PPARGC1A: variants seen among roughly 807,000 people sequenced by gnomAD.
PPARGC1A encodes the protein PPARG coactivator 1 alpha.
A neutral mutation model predicts 88.7 loss-of-function variants in PPARGC1A; 25 were observed. The observed-to-expected ratio is 0.28, with a 90% CI of 0.21 to 0.39. PPARGC1A has a LOEUF of 0.39. Among genes scored for constraint, PPARGC1A ranks in the 10% least tolerant of loss-of-function variants. The pLI is 1.00. For missense variants in PPARGC1A, 880 were observed against 968.7 expected, an observed-to-expected ratio of 0.91 and a Z score of 1.22; for synonymous variants, 363 against 355.6, an observed-to-expected ratio of 1.02 and a Z score of -0.24.
chr4:23,913,744 G>A, the PPARGC1A span, among the ~76,000 whole-genome samples: 4 of 152,100 alleles, frequency 2.6e-5, no homozygotes, highest in Non-Finnish European at 5.9e-5. Context: ...GTTAAGTAGA[G>A]GCAGGTGGGA....
chr4:24,459,026 G>GA, the PPARGC1A span, among the ~76,000 whole-genome samples: 25 of 150,670 alleles, frequency 1.7e-4, no homozygotes, highest in Non-Finnish European at 3.0e-4. Context: ...ACTTTTCTAA[G>GA]AAAAAAAATC....
At chr4:24,309,785 T>C in the PPARGC1A span, among the ~76,000 whole-genome samples, 1 of 152,160 alleles carries the variant, frequency 6.6e-6, no homozygotes, top group Admixed American at 6.5e-5. Flanking sequence ...CCCTGGCTGC[T>C]GCGTGATGAA....
the PPARGC1A span, among the ~76,000 whole-genome samples, chr4:23,961,508 G>T: frequency 6.6e-6 from 1 of 152,122 alleles, no homozygotes; most frequent in African/African-American, 2.4e-5. Context: ...GTGACAACAT[G>T]TGTGGGTAAT....
At chr4:24,254,125 AC>A in the PPARGC1A span, among the ~76,000 whole-genome samples, 1 of 152,214 alleles carries the variant, frequency 6.6e-6, no homozygotes, top group Non-Finnish European at 1.5e-5. Context: ...TGAACGTGAA[AC>A]TTTTCCCTGG....
At chr4:23,877,470 G>A (rs1714988071) in intron 2 of PPARGC1A, among the ~76,000 whole-genome samples, 1 of 149,396 alleles carries the variant, frequency 6.7e-6, no homozygotes, top group South Asian at 2.1e-4. Flanking sequence ...CCCAGGAGGG[G>A]GAGGTTGCAG....
chr4:24,033,824 G>C, the PPARGC1A span, among the ~76,000 whole-genome samples: 1 of 152,220 alleles, frequency 6.6e-6, no homozygotes, highest in Non-Finnish European at 1.5e-5. Context: ...GGCTGGAAGA[G>C]AGGCGGGCTG....
the PPARGC1A span, among the ~76,000 whole-genome samples, chr4:24,136,173 C>A: frequency 6.6e-6 from 1 of 152,158 alleles, no homozygotes; most frequent in South Asian, 2.1e-4. Flanking sequence ...AGAAGCTGTA[C>A]AGGCACTTAA....
chr4:24,030,737 C>G, the PPARGC1A span, among the ~76,000 whole-genome samples: 4 of 152,128 alleles, frequency 2.6e-5, no homozygotes, highest in African/African-American at 9.7e-5. Flanking sequence ...AAACTGCCTG[C>G]CTCATCTCTC....
chr4:24,387,603 A>T, the PPARGC1A span, among the ~76,000 whole-genome samples: 1 of 151,728 alleles, frequency 6.6e-6, no homozygotes, highest in African/African-American at 2.4e-5. Flanking sequence ...TCATGCTGGT[A>T]GCGCATGCTG....
intron 7 of PPARGC1A, among the ~76,000 whole-genome samples, chr4:23,821,040 A>G (rs1189745168): frequency 1.3e-5 from 2 of 152,162 alleles, no homozygotes; most frequent in African/African-American, 4.8e-5. Context: ...CTAATTGATC[A>G]TGACATTCCC....
At chr4:24,368,394 G>C in the PPARGC1A span, among the ~76,000 whole-genome samples, 1 of 152,202 alleles carries the variant, frequency 6.6e-6, no homozygotes, top group Admixed American at 6.6e-5. Flanking sequence ...ATATTTTGTA[G>C]TCATGGTAAC....
At chr4:24,331,418 A>G in the PPARGC1A span, among the ~76,000 whole-genome samples, 4 of 152,022 alleles carry the variant, frequency 2.6e-5, no homozygotes, top group African/African-American at 9.7e-5. Context: ...GCCACTCACC[A>G]TCTCCTTATC....
chr4:23,981,016 G>T, the PPARGC1A span, among the ~76,000 whole-genome samples: 4 of 151,930 alleles, frequency 2.6e-5, no homozygotes, highest in Non-Finnish European at 4.4e-5. Context: ...TTTCTAATAT[G>T]TAATTTCTCC....
the PPARGC1A span, among the ~76,000 whole-genome samples, chr4:24,408,906 G>A: frequency 6.6e-6 from 1 of 152,206 alleles, no homozygotes; most frequent in Non-Finnish European, 1.5e-5. Context: ...AATTTGTTAT[G>A]CAGAAAAGGT....
chr4:24,295,017 C>A, the PPARGC1A span, among the ~76,000 whole-genome samples: 1 of 152,210 alleles, frequency 6.6e-6, no homozygotes, highest in Non-Finnish European at 1.5e-5. Flanking sequence ...ACTGATTGTG[C>A]TGTGGTCAAT....
intron 2 of PPARGC1A, chr4:23,883,802 T>C (rs1716402526): frequency 6.6e-6 from 1 of 152,224 alleles, no homozygotes; most frequent in Non-Finnish European, 1.5e-5. Flanking sequence ...ACTCAGTTAA[T>C]ATTTTAAACT....
the PPARGC1A span, among the ~76,000 whole-genome samples, chr4:24,283,721 A>C: frequency 6.6e-6 from 1 of 152,140 alleles, no homozygotes; most frequent in Non-Finnish European, 1.5e-5. Flanking sequence ...TACCACCTAG[A>C]CTGAAATGCT....
chr4:23,908,250 T>A (rs116056271), upstream of PPARGC1A, among the ~76,000 whole-genome samples: 4,109 of 152,160 alleles, frequency 0.027, 211 homozygotes, highest in African/African-American at 0.094. Context: ...ATGTGAAAAA[T>A]TAAAATTTTA....
the PPARGC1A span, among the ~76,000 whole-genome samples, chr4:23,914,989 G>A: frequency 6.6e-6 from 1 of 152,226 alleles, no homozygotes; most frequent in African/African-American, 2.4e-5. Context: ...AATTACTGGA[G>A]AAACCTACCA....
Sources: allele counts gnomAD v4.1 joint callset (sites outside exome capture counted in the v4.1 genomes callset), GRCh38; gene constraint gnomAD v4.1.1; transcripts MANE v1.5; gene names NCBI Gene and HGNC (gene_info 2026-07-23, HGNC 2026-07-21).